Variants in SLC17A8 observed in about 807,000 individuals in gnomAD.
The protein encoded by SLC17A8 is vesicular glutamate transporter 3.
In SLC17A8, 31 loss-of-function variants were observed where a neutral mutation model predicts 58.0. The ratio of observed to expected loss-of-function variants is 0.53; its 90% CI spans 0.40 to 0.72. SLC17A8 has a LOEUF of 0.72. SLC17A8 is among the 30% of genes least tolerant of loss of function. SLC17A8 has a pLI of 0.00. For synonymous variants in SLC17A8, 228 were observed against 249.0 expected (o/e 0.92, Z 0.79); for missense variants, 655 against 727.8 (o/e 0.90, Z 1.15).
At chr12:100,362,950 C>T (rs1236432582) in intron 1 of SLC17A8, among the ~76,000 whole-genome samples, 4 of 152,182 alleles carry the variant, frequency 2.6e-5, no homozygotes, top group Admixed American at 2.0e-4. Flanking sequence ...CAGTTAAAAA[C>T]TAGCCAAGGC....
intron 5 of SLC17A8, among the ~76,000 whole-genome samples, chr12:100,399,693 A>G (rs981120280): frequency 6.6e-6 from 1 of 152,138 alleles, no homozygotes; most frequent in East Asian, 1.9e-4. Context: ...ATCCGCCCCC[A>G]TGACCCAGTC....
At chr12:100,388,041 A>T (rs1952688556) in intron 2 of SLC17A8, among the ~76,000 whole-genome samples, 1 of 151,968 alleles carries the variant, frequency 6.6e-6, no homozygotes, top group African/African-American at 2.4e-5. Context: ...CTCCTCATTC[A>T]TTACCCTCCA....
Position 100,401,854 on chromosome 12 carries a change from T to C in SLC17A8, c.754T>C (p.Tyr252His), listed in dbSNP as rs762552582. 1.2e-6 allele frequency: 2 copies of C among 1,613,464 alleles called. No homozygotes were observed. Among genetic ancestry groups the C allele is most frequent in the Non-Finnish European group, 1.7e-6 (2 of 1,179,526 alleles). The change falls in exon 6 of 12, where the codon TAT becomes CAT. Residue 252 changes from tyrosine to histidine, a missense_variant. Tyr to His is a moderately conservative substitution (Grantham distance 83). Transcript: ENST00000323346. The part of the protein sequence containing the change: ...VQYIGWSSVF[Y>H]IYGMFGIIWY... ...GTACATTGGATGGTCCTCTGTCTTTTATATTTATGGTGAGTGATTTGACTT... is the reference window on the plus strand; with the variant it reads ...GTACATTGGATGGTCCTCTGTCTTTCATATTTATGGTGAGTGATTTGACTT...
intron 9 of SLC17A8, 116 bp downstream of exon 9, chr12:100,404,286 T>C: frequency 1.5e-6 from 2 of 1,350,210 alleles, no homozygotes; most frequent in East Asian, 2.4e-5. Flanking sequence ...TAAAGACCTC[T>C]AAGTCTGTCC....
chr12:100,374,592 A>T (rs1276479488), intron 1 of SLC17A8, among the ~76,000 whole-genome samples: 1 of 152,226 alleles, frequency 6.6e-6, no homozygotes, highest in African/African-American at 2.4e-5. Context: ...AACCTGGGTG[A>T]CAGTGCAAGA....
intron 1 of SLC17A8, among the ~76,000 whole-genome samples, chr12:100,371,467 A>G (rs1952558471): frequency 6.6e-6 from 1 of 152,218 alleles, no homozygotes; most frequent in Non-Finnish European, 1.5e-5. Flanking sequence ...ACTGGTAGCA[A>G]TAGGCTGGAT....
chr12:100,397,437 G>A (rs1468682373), intron 5 of SLC17A8, among the ~76,000 whole-genome samples: 2 of 152,160 alleles, frequency 1.3e-5, no homozygotes, highest in Admixed American at 6.5e-5. Context: ...GAAAGTAAAT[G>A]AGTAGCCCCC....
rs565777228 is a variant in SLC17A8, at chr12:100,408,822, C to A, written c.1187-3948C>A. 2.6e-5 allele frequency among the ~76,000 whole-genome samples: 4 copies of A among 152,292 alleles called. No homozygotes were observed. The South Asian group carries it at 8.3e-4, about 32-fold the overall frequency. On this transcript the variant is annotated intron_variant, in intron 9 of 11. Coordinates refer to ENST00000323346, the MANE Select transcript of SLC17A8 (RefSeq NM_139319.3). ...TTATTTAGGATAGGCACTTCTAAGA[C>A]ACATATAGTTAGTATATGAAACACT... is the stretch of plus-strand genomic sequence containing the variant.
intron 1 of SLC17A8, among the ~76,000 whole-genome samples, chr12:100,361,890 G>A (rs929624045): frequency 2.0e-5 from 3 of 150,934 alleles, no homozygotes; most frequent in Admixed American, 2.0e-4. Context: ...GAATCCGGGA[G>A]GCAGAGGTTG....
intron 1 of SLC17A8, among the ~76,000 whole-genome samples, chr12:100,358,921 C>T (rs766740288): frequency 1.3e-5 from 2 of 152,088 alleles, no homozygotes; most frequent in Non-Finnish European, 2.9e-5. Flanking sequence ...GTGGGAGGAT[C>T]GCTTGAGGCC....
At chr12:100,386,258 A>G (rs1326320295) in intron 2 of SLC17A8, among the ~76,000 whole-genome samples, 2 of 152,174 alleles carry the variant, frequency 1.3e-5, no homozygotes, top group African/African-American at 4.8e-5. Flanking sequence ...GTGATGGTCC[A>G]TATACAGGGC....
intron 1 of SLC17A8, among the ~76,000 whole-genome samples, chr12:100,368,360 A>G (rs1464689459): frequency 6.6e-6 from 1 of 152,190 alleles, no homozygotes; most frequent in Non-Finnish European, 1.5e-5. Flanking sequence ...TGTGTCTATG[A>G]TTTCAAATTC....
chr12:100,370,374 TACAACCTCTGCCTCC>T (rs201142825), intron 1 of SLC17A8, among the ~76,000 whole-genome samples: 3,996 of 152,228 alleles, frequency 0.026, 59 homozygotes, highest in African/African-American at 0.035. Context: ...CTCAGCTCAC[TACAACCTCTGCCTCC>T]TGGGTTCAGG....
At chr12:100,376,380 G>A (rs1163162423) in intron 1 of SLC17A8, among the ~76,000 whole-genome samples, 1 of 152,152 alleles carries the variant, frequency 6.6e-6, no homozygotes, top group Non-Finnish European at 1.5e-5. Flanking sequence ...CATGATGGCT[G>A]CGCAAGGACT....
intron 1 of SLC17A8, among the ~76,000 whole-genome samples, chr12:100,370,643 C>A (rs960975108): frequency 1.3e-5 from 2 of 149,824 alleles, no homozygotes; most frequent in East Asian, 3.9e-4. Context: ...AAGCAAAGAC[C>A]CATACACACA....
Position 100,380,696 on chromosome 12 carries a change from T to C in SLC17A8, c.102-5T>C, listed in dbSNP as rs762377798. ...TATTTTCTGCCTATCCTTTTTCCCA[T>C]GTAGAAAAATCGATGGGACAACTGA... is the stretch of plus-strand genomic sequence containing the variant. On this transcript the variant is annotated splice_polypyrimidine_tract_variant and splice_region_variant and intron_variant, in intron 1 of 11. Coordinates refer to ENST00000323346, the MANE Select transcript of SLC17A8 (RefSeq NM_139319.3). 7.4e-6 allele frequency: 12 copies of C among 1,613,986 alleles called. No individual in the cohort carries two copies. The highest frequency in any genetic ancestry group is 9.3e-6 in the Non-Finnish European group (11 of 1,180,002).
intron 8 of SLC17A8, among the ~76,000 whole-genome samples, chr12:100,403,072 G>A (rs1033424665): frequency 6.6e-6 from 1 of 152,030 alleles, no homozygotes; most frequent in Non-Finnish European, 1.5e-5. Flanking sequence ...TTTTTTTCCT[G>A]TAAGCTACTC....
chr12:100,362,766 A>G (rs1952492913), intron 1 of SLC17A8, among the ~76,000 whole-genome samples: 1 of 152,134 alleles, frequency 6.6e-6, no homozygotes. Context: ...AAGAGTTATT[A>G]AGACAGACTC....
intron 2 of SLC17A8, among the ~76,000 whole-genome samples, chr12:100,386,572 G>A (rs1235980748): frequency 6.6e-6 from 1 of 152,060 alleles, no homozygotes; most frequent in Non-Finnish European, 1.5e-5. Flanking sequence ...TTGTCTTTCT[G>A]TGACTGGCTC....
Sources: gnomAD v4.1 joint callset for allele counts (sites outside exome capture counted in the v4.1 genomes callset) on GRCh38, gnomAD v4.1.1 for gene constraint, MANE v1.5 for transcripts, NCBI Gene and HGNC (gene_info 2026-07-23, HGNC 2026-07-21) for gene names.